The following NUP210 variants were observed in gnomAD, a reference collection of about 807,000 sequenced individuals.
NUP210 encodes the protein nuclear pore membrane glycoprotein 210.
In NUP210, 151 loss-of-function variants were observed where a neutral mutation model predicts 196.0. The ratio of observed to expected loss-of-function variants is 0.77; its 90% confidence interval spans 0.67 to 0.88. The LOEUF (loss-of-function observed/expected upper bound fraction) is 0.88, where lower values mean the gene tolerates loss of function less well. Among genes scored for constraint, NUP210 ranks in the 40% least tolerant of loss-of-function variants. NUP210 has a pLI of 0.00. For missense variants in NUP210, 2,314 were observed against 2,493.7 expected, an observed-to-expected ratio of 0.93 and a Z score of 1.53; for synonymous variants, 1,070 against 1,052.7, an observed-to-expected ratio of 1.02 and a Z score of -0.32.
chr3:13,358,415 A>G lies in NUP210; in HGVS notation c.2155-20T>C, dbSNP rs761852907. 26 of 1,592,234 alleles carry G rather than the reference A, an allele frequency of 1.6e-5. No individual in the cohort carries two copies. The highest frequency in any genetic ancestry group is 1.8e-5 in the Non-Finnish European group (21 of 1,166,062). ...GATGACCTGGTAGGGCACAGTGAAC[A>G]GTCAGACCCCCAAGCTTGAGTTCTC... On this transcript the variant is annotated intron_variant, in intron 15 of 39. Transcript: ENST00000254508.
chr3:13,396,936 C>T (rs1559344894), intron 3 of NUP210, among the ~76,000 whole-genome samples: 1 of 152,108 alleles, frequency 6.6e-6, no homozygotes, highest in Non-Finnish European at 1.5e-5. Context: ...AGGTCTGGAA[C>T]AGGAAGCCAC....
chr3:13,344,900 T>G (rs1287663541), intron 20 of NUP210: 7 of 983,540 alleles, frequency 7.1e-6, no homozygotes, highest in African/African-American at 1.7e-5. Context: ...AGGTCCAGCG[T>G]CCTTCCTCAG....
intron 11 of NUP210, 116 bp from the exon 12 acceptor site, chr3:13,373,989 CTCACACTCATGGGT>C: frequency 8.1e-7 from 1 of 1,227,912 alleles, no homozygotes; most frequent in Admixed American, 2.0e-5. Context: ...CACATTTATC[CTCACACTCATGGGT>C]TCACCCATGC....
intron 11 of NUP210, among the ~76,000 whole-genome samples, chr3:13,374,370 G>A (rs1266157010): frequency 2.6e-5 from 4 of 151,928 alleles, no homozygotes; most frequent in Non-Finnish European, 4.4e-5. Context: ...ATATATACTC[G>A]CACCAATACA....
chr3:13,324,094 T>C (rs2124832199), intron 33 of NUP210, among the ~76,000 whole-genome samples: 1 of 152,240 alleles, frequency 6.6e-6, no homozygotes, highest in Admixed American at 6.5e-5. Flanking sequence ...ATGTGGCCCA[T>C]GCAGAGCTGT....
In NUP210 at chr3:13,371,862, C is replaced by T. The variant is rs1297085538; in HGVS notation, c.1758G>A (p.Glu586=). The change falls in exon 13 of 40, where the codon GAG becomes GAA. Residue 586 remains glutamate, a synonymous_variant. Transcript: ENST00000254508. ...CSHFDLAVEV[E]NQGVFQPLPG... ...GGAGTGGCTGGAACACACCCTGGTTCTCCACCTCGACAGCCAAGTCAAAGT... is the reference window on the plus strand; with the variant it reads ...GGAGTGGCTGGAACACACCCTGGTTTTCCACCTCGACAGCCAAGTCAAAGT... 6.2e-7 allele frequency: 1 copy of T among 1,609,216 alleles called. No homozygotes were observed. Among genetic ancestry groups the T allele is most frequent in the Non-Finnish European group, 8.5e-7 (1 of 1,178,442 alleles).
chr3:13,384,003 C>A (rs1699187892), intron 6 of NUP210, among the ~76,000 whole-genome samples: 2 of 152,188 alleles, frequency 1.3e-5, no homozygotes, highest in African/African-American at 4.8e-5. Flanking sequence ...CGCTCTGTCA[C>A]CCAGGCTGGA....
intron 1 of NUP210, among the ~76,000 whole-genome samples, chr3:13,403,457 C>T (rs1437207925): frequency 6.6e-6 from 1 of 152,218 alleles, no homozygotes; most frequent in Non-Finnish European, 1.5e-5. Flanking sequence ...CCCAAAGGTG[C>T]TACCTCAAAT....
chr3:13,381,582 A>G (rs1463767581), intron 6 of NUP210, among the ~76,000 whole-genome samples: 1 of 151,112 alleles, frequency 6.6e-6, no homozygotes, highest in East Asian at 1.9e-4. Context: ...GGCCTTAGAT[A>G]CCCCCTGTAT....
chr3:13,401,259 CAAAAA>C (rs71066952), intron 1 of NUP210, among the ~76,000 whole-genome samples: 13 of 43,832 alleles, frequency 3.0e-4, no homozygotes, highest in African/African-American at 9.8e-4. Flanking sequence ...GACTCTGGCT[CAAAAA>C]AAAAAAAAAA....
intron 6 of NUP210, among the ~76,000 whole-genome samples, chr3:13,382,885 C>T (rs912948709): frequency 1.2e-4 from 19 of 152,092 alleles, no homozygotes; most frequent in African/African-American, 4.3e-4. Flanking sequence ...CAACTCATGC[C>T]TATTATTCCA....
intron 1 of NUP210, among the ~76,000 whole-genome samples, chr3:13,412,231 C>CTTTTTTCTT (rs1322765563): frequency 1.6e-4 from 17 of 104,744 alleles, no homozygotes; most frequent in East Asian, 1.2e-3. Context: ...TTTTCCTTTT[C>CTTTTTTCTT]TTTTTTTTTT....
At chr3:13,412,440 G>A (rs1210337287) in intron 1 of NUP210, among the ~76,000 whole-genome samples, 1 of 151,976 alleles carries the variant, frequency 6.6e-6, no homozygotes, top group Non-Finnish European at 1.5e-5. Flanking sequence ...TTGGCCAGGT[G>A]TGGTGGCTCA....
chr3:13,342,512 A>T (rs990792679), intron 21 of NUP210, among the ~76,000 whole-genome samples: 2 of 152,224 alleles, frequency 1.3e-5, no homozygotes, highest in Non-Finnish European at 2.9e-5. Flanking sequence ...GAAGAAACAG[A>T]TGATTAGCAA....
Position 13,366,039 on chromosome 3 carries a change from C to G in NUP210, c.1839G>C (p.Glu613Asp), listed in dbSNP as rs146089885. 98 of 1,614,096 alleles carry G rather than the reference C, an allele frequency of 6.1e-5. No individual in the cohort carries two copies. Among genetic ancestry groups the G allele is most frequent in the Non-Finnish European group, 7.9e-5 (93 of 1,180,028 alleles). The change falls in exon 14 of 40, where the codon GAG becomes GAC. Residue 613 changes from glutamate (E) to aspartate (D), a missense_variant. Glu to Asp is a conservative substitution (Grantham distance 45). Coordinates refer to ENST00000254508, the MANE Select transcript of NUP210 (RefSeq NM_024923.4). ...CAAGAAGCGTGGTAGAGCCCTGGGC[C>G]TCGGCCTTTACCCGGATGCCGCTGC... ...EHCSGIRVKA[E>D]AQGSTTLLVS...
intron 1 of NUP210, among the ~76,000 whole-genome samples, chr3:13,418,778 G>C (rs557845355): frequency 2.0e-4 from 31 of 151,302 alleles, no homozygotes; most frequent in African/African-American, 7.0e-4. Context: ...ACAAGGGCTG[G>C]AGTGCACTCT....
Position 13,401,259 on chromosome 3 carries a change from C to CAAAAA in NUP210, c.168-1403_168-1399dup, listed in dbSNP as rs71066952. On this transcript the variant is annotated intron_variant, in intron 1 of 39. Coordinates refer to ENST00000254508, the MANE Select transcript of NUP210 (RefSeq NM_024923.4). ...TGGGCAACAGAGTGAGACTCTGGCT[C>CAAAAA]AAAAAAAAAAAAAAAAAAAAAGGCA... is the stretch of plus-strand genomic sequence containing the variant. Among the ~76,000 whole-genome samples the CAAAAA allele has an allele frequency of 1.9e-3, 84 of 43,824 alleles. 8 individuals carry two copies. Among genetic ancestry groups the CAAAAA allele is most frequent in the African/African-American group, 2.7e-3 (28 of 10,238 alleles). The allele number at this position is 43,824 out of a possible 152,430, so 28.8% of individuals were successfully genotyped here. A position where few individuals can be genotyped will look rare whatever the true frequency, so the allele number is the denominator to read the frequency against.
At chr3:13,341,199 T>A (rs1697475598) in intron 23 of NUP210, 1 of 152,676 alleles carries the variant, frequency 6.5e-6, no homozygotes, top group Non-Finnish European at 1.5e-5. Flanking sequence ...GCTCCTGTCA[T>A]AACCTAATGC....
Position 13,327,434 on chromosome 3 carries a change from G to C in NUP210, c.4290C>G (p.Asp1430Glu), listed in dbSNP as rs13081937. ...SSVLNFATNR[D>E]DFVQIGKGPT... ...GGCCCTTCCCGATCTGCACAAAGTC[G>C]TCTCTAGGCACAGGAGAGAAAGGAG... is the stretch of plus-strand genomic sequence containing the variant. Residue 1430 changes from aspartate to glutamate, a missense_variant, in exon 32 of 40, where the codon GAC becomes GAG. Asp to Glu is a conservative substitution (Grantham distance 45, BLOSUM62 2). Coordinates refer to ENST00000254508, the MANE Select transcript of NUP210 (RefSeq NM_024923.4). 3 of 1,606,822 alleles carry C rather than the reference G, an allele frequency of 1.9e-6. No homozygotes were observed. Among genetic ancestry groups the C allele is most frequent in the Admixed American group, 1.7e-5 (1 of 59,584 alleles).
Sources: allele counts gnomAD v4.1 joint callset (sites outside exome capture counted in the v4.1 genomes callset), GRCh38; gene constraint gnomAD v4.1.1; transcripts MANE v1.5; gene names NCBI Gene and HGNC (gene_info 2026-07-23, HGNC 2026-07-21).